RUNX1: variants seen among roughly 807,000 people sequenced by gnomAD.
RUNX1 encodes the protein RUNX family transcription factor 1.
Under a neutral mutation model 42.8 loss-of-function variants are expected in RUNX1, and 19 were observed. That is an observed-to-expected ratio of 0.44 (90% CI 0.31 to 0.65). RUNX1 has a LOEUF of 0.65. RUNX1 is among the 30% of genes least tolerant of loss of function. The probability of loss-of-function intolerance (pLI) is 0.07; values close to 1 mark genes in which losing one functional copy is unlikely to be tolerated. For synonymous variants in RUNX1, 271 were observed against 289.4 expected (o/e 0.94, Z 0.64); for missense variants, 528 against 672.0 (o/e 0.79, Z 2.37).
intron 2 of RUNX1, among the ~76,000 whole-genome samples, chr21:34,988,711 G>A (rs2058911286): frequency 6.6e-6 from 1 of 152,158 alleles, no homozygotes; most frequent in Non-Finnish European, 1.5e-5. Context: ...TCCGGACAGT[G>A]TGTGCAACAA....
intron 3 of RUNX1, 148 bp from the exon 4 acceptor site, chr21:34,887,244 G>GC: frequency 3.8e-6 from 3 of 797,118 alleles, no homozygotes; most frequent in Non-Finnish European, 5.3e-6. Context: ...GCGGGGGGTG[G>GC]GGGGGGGCGG....
At chr21:34,822,654 G>A (rs571466405) in intron 7 of RUNX1, among the ~76,000 whole-genome samples, 20 of 152,308 alleles carry the variant, frequency 1.3e-4, no homozygotes, top group Admixed American at 7.2e-4. Flanking sequence ...AAGATTAACC[G>A]GCCTTGAGAT....
At chr21:34,984,134 G>A (rs1160005894) in intron 2 of RUNX1, among the ~76,000 whole-genome samples, 2 of 152,130 alleles carry the variant, frequency 1.3e-5, no homozygotes, top group Non-Finnish European at 2.9e-5. Context: ...ATTCACAAAG[G>A]GAACAAGGTG....
At chr21:34,908,716 T>C (rs1258006952) in intron 2 of RUNX1, among the ~76,000 whole-genome samples, 2 of 152,224 alleles carry the variant, frequency 1.3e-5, no homozygotes, top group Non-Finnish European at 2.9e-5. Flanking sequence ...TCCCAATTTG[T>C]AGGTCTTTAT....
intron 2 of RUNX1, among the ~76,000 whole-genome samples, chr21:34,938,814 C>T (rs2058505563): frequency 6.6e-6 from 1 of 152,098 alleles, no homozygotes; most frequent in Non-Finnish European, 1.5e-5. Flanking sequence ...CATAGAGTAG[C>T]AGAAGGAATA....
chr21:35,033,037 C>T (rs2059283713), intron 2 of RUNX1, among the ~76,000 whole-genome samples: 3 of 152,204 alleles, frequency 2.0e-5, no homozygotes, highest in South Asian at 4.1e-4. Flanking sequence ...ATTCAACTAT[C>T]TATCCATCTA....
chr21:34,818,203 C>T (rs1159048919), intron 7 of RUNX1, among the ~76,000 whole-genome samples: 1 of 152,242 alleles, frequency 6.6e-6, no homozygotes, highest in Non-Finnish European at 1.5e-5. Context: ...CCACTCCTCC[C>T]CTGGGCTGCT....
chr21:34,971,548 A>T (rs1220600727), intron 2 of RUNX1, among the ~76,000 whole-genome samples: 1 of 147,486 alleles, frequency 6.8e-6, no homozygotes, highest in African/African-American at 2.5e-5. Flanking sequence ...CATCCATCCA[A>T]CCACCATCTA....
At chr21:34,820,676 C>G (rs919228457) in intron 7 of RUNX1, among the ~76,000 whole-genome samples, 1 of 151,640 alleles carries the variant, frequency 6.6e-6, no homozygotes, top group East Asian at 1.9e-4. Flanking sequence ...CTCCTTAGCA[C>G]GAATTCAACC....
At chr21:35,024,387 A>G (rs191863391) in intron 2 of RUNX1, among the ~76,000 whole-genome samples, 44 of 152,358 alleles carry the variant, frequency 2.9e-4, no homozygotes, top group African/African-American at 1.0e-3. Flanking sequence ...AGAGAGAGAA[A>G]CACACTTCTA....
intron 2 of RUNX1, among the ~76,000 whole-genome samples, chr21:34,993,020 G>A (rs2058957541): frequency 6.6e-6 from 1 of 152,264 alleles, no homozygotes; most frequent in African/African-American, 2.4e-5. Flanking sequence ...TTCCCTGAAA[G>A]GACCACTCTC....
At chr21:34,996,114 T>G (rs535564637) in intron 2 of RUNX1, among the ~76,000 whole-genome samples, 1 of 152,196 alleles carries the variant, frequency 6.6e-6, no homozygotes, top group Admixed American at 6.5e-5. Flanking sequence ...ACTGTCAGAC[T>G]TGGGAGGACC....
intron 7 of RUNX1, among the ~76,000 whole-genome samples, chr21:34,817,928 A>G (rs1737100802): frequency 6.6e-6 from 1 of 152,234 alleles, no homozygotes; most frequent in Non-Finnish European, 1.5e-5. Flanking sequence ...GTGTCTGCAG[A>G]CGTAAGTCCT....
intron 7 of RUNX1, chr21:34,833,766 C>A: frequency 5.2e-6 from 1 of 190,614 alleles, no homozygotes; most frequent in Non-Finnish European, 1.1e-5. Flanking sequence ...TGTAAATGAA[C>A]TTCTTGTATT....
Position 35,047,559 on chromosome 21 carries a change from A to ACTCT in RUNX1, c.58+1282_58+1283insAGAG, listed in dbSNP as rs1271931704. On this transcript the variant is annotated intron_variant, in intron 2 of 8. Transcript: ENST00000675419. ...CACACACACACACACACACACACACACACTCTCTCTCTCTCTCTCTCTCTC... is the reference window on the plus strand; with the variant it reads ...CACACACACACACACACACACACACACTCTCACTCTCTCTCTCTCTCTCTCTCTC... 2.9e-3 allele frequency among the ~76,000 whole-genome samples: 189 copies of ACTCT among 64,314 alleles called. 1 individual carries two copies. Among genetic ancestry groups the ACTCT allele is most frequent in the African/African-American group, 0.013 (168 of 13,266 alleles). 42.2% of individuals were successfully genotyped at this position (64,314 alleles called of 152,430 possible).
At chr21:34,899,880 C>G (rs2058163854) in intron 2 of RUNX1, among the ~76,000 whole-genome samples, 1 of 152,182 alleles carries the variant, frequency 6.6e-6, no homozygotes, top group African/African-American at 2.4e-5. Flanking sequence ...TTCAGAGGCT[C>G]AAGCTTCTAA....
At chr21:35,018,065 A>G (rs1055223946) in intron 2 of RUNX1, among the ~76,000 whole-genome samples, 1 of 152,064 alleles carries the variant, frequency 6.6e-6, no homozygotes, top group Non-Finnish European at 1.5e-5. Flanking sequence ...TCACTCTGTT[A>G]CCCAGGCTGG....
intron 2 of RUNX1, among the ~76,000 whole-genome samples, chr21:34,930,266 G>GTATATA (rs1569110271): frequency 2.6e-5 from 2 of 76,446 alleles, no homozygotes; most frequent in African/African-American, 1.5e-4. Context: ...ACGTGTGTGT[G>GTATATA]TATGTATATA....
At chr21:34,910,920 G>A (rs868370018) in intron 2 of RUNX1, among the ~76,000 whole-genome samples, 16 of 151,994 alleles carry the variant, frequency 1.1e-4, no homozygotes, top group African/African-American at 3.1e-4. Flanking sequence ...ACAGACACAC[G>A]CCACCACACC....
Sources: allele counts gnomAD v4.1 joint callset (sites outside exome capture counted in the v4.1 genomes callset), GRCh38; gene constraint gnomAD v4.1.1; transcripts MANE v1.5; gene names NCBI Gene and HGNC (gene_info 2026-07-23, HGNC 2026-07-21).